Variants in ATG2A observed in about 807,000 individuals in gnomAD.
The protein encoded by ATG2A is autophagy-related protein 2 homolog A.
Under a neutral mutation model 214.2 loss-of-function variants are expected in ATG2A, and 103 were observed. That is an observed-to-expected ratio of 0.48 (90% CI 0.41 to 0.57). ATG2A has a LOEUF of 0.57. Among genes scored for constraint, ATG2A ranks in the 20% least tolerant of loss-of-function variants. ATG2A has a pLI of 0.00. For synonymous variants in ATG2A, 1,160 were observed against 1,142.1 expected, an observed-to-expected ratio of 1.02 and a Z score of -0.32; for missense variants, 2,312 against 2,613.2, an observed-to-expected ratio of 0.88 and a Z score of 2.51.
intron 1 of ATG2A, among the ~76,000 whole-genome samples, chr11:64,915,277 C>T (rs1291344797): frequency 2.0e-5 from 3 of 152,120 alleles, no homozygotes; most frequent in Non-Finnish European, 4.4e-5. Context: ...ACCCCACCTG[C>T]CTCCCCCGTC....
Position 64,896,761 on chromosome 11 carries a change from C to G in ATG2A, c.5259G>C (p.Ser1753=). ...CTAGACACTCACAGAGCTGGACAAC[C>G]GAGTGCATGGGGCCCACGCCTCCCA... is the stretch of plus-strand genomic sequence containing the variant. ...GLLGGVGPMH[S]VVQLFQGFRD... is the part of the protein sequence containing the mutation. The change falls in exon 38 of 41, where the codon TCG becomes TCC. Residue 1753 remains serine (S), a synonymous_variant. Transcript: ENST00000377264. 6.2e-7 allele frequency: 1 copy of G among 1,614,220 alleles called. No homozygotes were observed. The highest frequency in any genetic ancestry group is 1.1e-5 in the South Asian group (1 of 91,088).
At position 64,903,507 on chromosome 11, in the gene ATG2A, GC is replaced by G; in HGVS notation, c.3535+82del. ...GGAGCTAAGGACCCGGCCAGCAGCT[GC>G]GGGGAGACACCTGGCTGCTCTGGGT... On this transcript the variant is annotated intron_variant, in intron 25 of 40. Coordinates refer to ENST00000377264, the MANE Select transcript of ATG2A (RefSeq NM_015104.3). This position sits in a 1 kb window ranked among gnomAD's most constrained non-coding sequence, Gnocchi z 4.2. The G allele has an allele frequency of 1.4e-6, 2 of 1,475,848 alleles. No individual in the cohort carries two copies. The highest frequency in any genetic ancestry group is 1.8e-6 in the Non-Finnish European group (2 of 1,093,832). 91.4% of individuals were successfully genotyped at this position (1,475,848 alleles called of 1,614,324 possible).
At position 64,896,452 on chromosome 11, in the gene ATG2A, AC is replaced by A; in HGVS notation, c.5427+9del. On this transcript the variant is annotated intron_variant, in intron 39 of 40. Coordinates refer to ENST00000377264, the MANE Select transcript of ATG2A (RefSeq NM_015104.3). Reference sequence around the variant, plus strand: ...GTCCTGCACAGCCCAGATACAGGGCACCCACTCACCTGGATAGCCTGTACCA... The same window carrying A: ...GTCCTGCACAGCCCAGATACAGGGCACCACTCACCTGGATAGCCTGTACCA... The A allele has an allele frequency of 6.2e-7, 1 of 1,605,810 alleles. No individual in the cohort carries two copies. Among genetic ancestry groups the A allele is most frequent in the East Asian group, 2.2e-5 (1 of 44,498 alleles).
Position 64,911,868 on chromosome 11 carries a change from C to T in ATG2A, c.1202G>A (p.Arg401Gln), listed in dbSNP as rs1427618972. 31 of 1,613,140 alleles carry T rather than the reference C, an allele frequency of 1.9e-5. 1 individual carries two copies. Among genetic ancestry groups the T allele is most frequent in the African/African-American group, 6.7e-5 (5 of 74,912 alleles). Reference protein sequence around the residue: ...SSVRSDMASRRLSAQAHPAGK... With the variant: ...SSVRSDMASRQLSAQAHPAGK... Reference sequence around the variant, plus strand: ...AGCTGGGTGGGCCTGGGCAGAGAGCCGGCGGGAGGCCATGTCGCTGCGCAC... The same window carrying T: ...AGCTGGGTGGGCCTGGGCAGAGAGCTGGCGGGAGGCCATGTCGCTGCGCAC... The change falls in exon 9 of 41, where the codon CGG becomes CAG. Residue 401 changes from arginine (R) to glutamine (Q), a missense_variant. Transcript: ENST00000377264.
rs1944741280 is a variant in ATG2A, at chr11:64,910,788, A to G, written c.1614+19T>C. The G allele has an allele frequency of 6.2e-7, 1 of 1,610,716 alleles. No individual in the cohort carries two copies. Among genetic ancestry groups the G allele is most frequent in the Non-Finnish European group, 8.5e-7 (1 of 1,178,838 alleles). On this transcript the variant is annotated intron_variant, in intron 11 of 40. Coordinates refer to ENST00000377264, the MANE Select transcript of ATG2A (RefSeq NM_015104.3). Reference sequence around the variant, plus strand: ...AACCTCCAGACCCCGCCTCGTACACATTCTGCCTCTGCCCTCACCTCCGTG... The same window carrying G: ...AACCTCCAGACCCCGCCTCGTACACGTTCTGCCTCTGCCCTCACCTCCGTG...
chr11:64,913,155 C>G lies in ATG2A; in HGVS notation c.727-19G>C, dbSNP rs1944841701. 1 of 1,591,830 alleles carries G rather than the reference C, an allele frequency of 6.3e-7. No individual in the cohort carries two copies. The highest frequency in any genetic ancestry group is 8.6e-7 in the Non-Finnish European group (1 of 1,167,292). The stretch of plus-strand genomic sequence containing the variant: ...GCTCTTCCTGGGAGACGGGAGGATA[C>G]AAGAGGGAAAGGTTGAGAAAATGGA... On this transcript the variant is annotated intron_variant, in intron 5 of 40. Transcript: ENST00000377264. The surrounding 1 kb of genome is among the most constrained non-coding windows in gnomAD (Gnocchi z 4.3).
At position 64,897,429 on chromosome 11, in the gene ATG2A, C is replaced by G; in HGVS notation, c.5133G>C (p.Arg1711=). 1 of 1,567,536 alleles carries G rather than the reference C, an allele frequency of 6.4e-7. No homozygotes were observed. The highest frequency in any genetic ancestry group is 2.4e-5 in the East Asian group (1 of 42,340). The stretch of plus-strand genomic sequence containing the variant: ...GGACTCACCCGTGCCTGCAACAGAG[C>G]CGCTTTAGCTTCAGCTCGGAGCAGT... ...QLNCSELKLK[R]LCCRHGLLGV... Residue 1711 remains arginine (R), a synonymous_variant, in exon 37 of 41, where the codon CGG becomes CGC. Coordinates refer to ENST00000377264, the MANE Select transcript of ATG2A (RefSeq NM_015104.3).
Position 64,895,295 on chromosome 11 carries a change from G to A in ATG2A, c.5575C>T (p.Arg1859Ter), listed in dbSNP as rs371652521. ...EGVAKAYDTV[R>*]EGILDTAQTI... Reference sequence around the variant, plus strand: ...CAGGGCGGGGGCCTGGTCACCTCTCGCACTGTGTCGTAGGCCTTGGCCACA... The same window carrying A: ...CAGGGCGGGGGCCTGGTCACCTCTCACACTGTGTCGTAGGCCTTGGCCACA... The change falls in exon 40 of 41, where the codon CGA (arginine) becomes TGA (stop). Residue 1859 changes from arginine to a stop codon, truncating the protein, a stop_gained. Transcript: ENST00000377264. LOFTEE classifies it high-confidence loss of function. The surrounding 1 kb of genome is among the most constrained non-coding windows in gnomAD (Gnocchi z 5.0). 6.2e-7 allele frequency: 1 copy of A among 1,613,366 alleles called. No individual in the cohort carries two copies. The highest frequency in any genetic ancestry group is 1.1e-5 in the South Asian group (1 of 91,076).
At position 64,903,570 on chromosome 11, in the gene ATG2A, C is replaced by T; in HGVS notation, c.3535+20G>A. 6.5e-7 allele frequency: 1 copy of T among 1,539,232 alleles called. No homozygotes were observed. Among genetic ancestry groups the T allele is most frequent in the Non-Finnish European group, 8.8e-7 (1 of 1,139,502 alleles). On this transcript the variant is annotated intron_variant, in intron 25 of 40. Transcript: ENST00000377264. The surrounding 1 kb of genome is among the most constrained non-coding windows in gnomAD (Gnocchi z 4.2). ...GGTGGTCCCTCAGAGGGGAGGGAGC[C>T]CAGTCCCGGCCCTGCCCACCTCGCC...
intron 9 of ATG2A, 92 bp downstream of exon 9, chr11:64,911,750 G>A: frequency 6.5e-7 from 1 of 1,531,138 alleles, no homozygotes; most frequent in South Asian, 1.2e-5. Flanking sequence ...GGCATCGCTG[G>A]GGATTTCCTG....
chr11:64,907,579 G>T lies in ATG2A; in HGVS notation c.2593C>A (p.Pro865Thr). Reference sequence around the variant, plus strand: ...AAGCTGTCGTGCCAGAAGCCTGAGGGGCCGGGGAAGCCCGAGGGCTGGGCG... The same window carrying T: ...AAGCTGTCGTGCCAGAAGCCTGAGGTGCCGGGGAAGCCCGAGGGCTGGGCG... ...PAAQPSGFPG[P>T]SGFWHDSFKM... Residue 865 changes from proline to threonine, a missense_variant, in exon 18 of 41, where the codon CCC becomes ACC. Pro to Thr is a conservative substitution (Grantham distance 38). Transcript: ENST00000377264. 6.2e-7 allele frequency: 1 copy of T among 1,610,134 alleles called. No individual in the cohort carries two copies. The highest frequency in any genetic ancestry group is 8.5e-7 in the Non-Finnish European group (1 of 1,178,698).
chr11:64,914,825 C>T (rs541905181), intron 1 of ATG2A, among the ~76,000 whole-genome samples: 198 of 149,954 alleles, frequency 1.3e-3, no homozygotes, highest in Non-Finnish European at 2.4e-3. Flanking sequence ...CCCAGCCAAG[C>T]TAGGCTCCAG....
Position 64,903,654 on chromosome 11 carries a change from G to C in ATG2A, c.3471C>G (p.Ile1157Met). The change falls in exon 25 of 41, where the codon ATC becomes ATG. Residue 1157 changes from isoleucine (I) to methionine (M), a missense_variant. Ile to Met is a conservative substitution (Grantham distance 10). Transcript: ENST00000377264. The surrounding 1 kb of genome is among the most constrained non-coding windows in gnomAD (Gnocchi z 4.2). ...MDTSTFLLRF[I>M]LDDSALYLSD... ...ACAGGTACAAGGCGGAGTCATCGAGGATGAACCTGGGGGGGAACAGGGCTG... is the reference window on the plus strand; with the variant it reads ...ACAGGTACAAGGCGGAGTCATCGAGCATGAACCTGGGGGGGAACAGGGCTG... 1 of 1,549,724 alleles carries C rather than the reference G, an allele frequency of 6.5e-7. No individual in the cohort carries two copies. Among genetic ancestry groups the C allele is most frequent in the Non-Finnish European group, 8.7e-7 (1 of 1,146,304 alleles).
At chr11:64,910,773 C>A (rs367730743) in intron 11 of ATG2A, 34 bp downstream of exon 11, 21 of 1,610,416 alleles carry the variant, frequency 1.3e-5, no homozygotes, top group Non-Finnish European at 1.7e-5. Flanking sequence ...AACCTCCAGA[C>A]CCCGCCTCGT....
chr11:64,901,894 A>C, intron 29 of ATG2A, 68 bp downstream of exon 29: 1 of 1,563,208 alleles, frequency 6.4e-7, no homozygotes, highest in Non-Finnish European at 8.7e-7. Flanking sequence ...ACCACCCCTG[A>C]GTGTTCCGTC....
Position 64,896,516 on chromosome 11 carries a change from T to G in ATG2A, c.5373A>C (p.Ser1791=). ...GLQRGAASFG[S]STASAALELS... ...GTTCCAGGGCGGCAGAGGCTGTGGA[T>G]GAGCCAAAGGAGGCAGCCCCTCGCT... is the stretch of plus-strand genomic sequence containing the variant. The change falls in exon 39 of 41, where the codon TCA becomes TCC. Residue 1791 remains serine, a synonymous_variant. Transcript: ENST00000377264. 8.7e-6 allele frequency: 14 copies of G among 1,613,976 alleles called. No homozygotes were observed. Among genetic ancestry groups the G allele is most frequent in the Non-Finnish European group, 1.2e-5 (14 of 1,179,924 alleles).
In ATG2A at chr11:64,909,367, C is replaced by A. The variant is rs777053187; in HGVS notation, c.2108G>T (p.Gly703Val). The A allele has an allele frequency of 7.4e-6, 12 of 1,611,976 alleles. No homozygotes were observed. The highest frequency in any genetic ancestry group is 8.5e-6 in the Non-Finnish European group (10 of 1,179,020). ...HLELTCSDLH[G>V]IYEDGGKPPV... is the part of the protein sequence containing the mutation. ...TGGCTTCCCTCCATCTTCATAGATA[C>A]CTGGAGGGGGATGGGGAATTAGGGG... Residue 703 changes from glycine to valine, a missense_variant and splice_region_variant, in exon 15 of 41, where the codon GGT becomes GTT. Transcript: ENST00000377264.
rs147536401 is a variant in ATG2A, at chr11:64,895,125, C to T, written c.5665G>A (p.Val1889Met). Residue 1889 changes from valine to methionine, a missense_variant, in exon 41 of 41, where the codon GTG becomes ATG. Coordinates refer to ENST00000377264, the MANE Select transcript of ATG2A (RefSeq NM_015104.3). This position sits in a 1 kb window ranked among gnomAD's most constrained non-coding sequence, Gnocchi z 5.0. Reference protein sequence around the residue: ...QKGLTGAVGGVIRQLPPTVVK... With the variant: ...QKGLTGAVGGMIRQLPPTVVK... ...ACAGTCGGGGGCAGCTGGCGGATCA[C>T]GCCCCCCACGGCGCCCGTCAGCCCC... The T allele has an allele frequency of 2.4e-5, 39 of 1,612,892 alleles. No individual in the cohort carries two copies. The highest frequency in any genetic ancestry group is 3.1e-5 in the Non-Finnish European group (37 of 1,179,802).
In ATG2A at chr11:64,898,296, C is replaced by T. The variant is rs1407057390; in HGVS notation, c.4738G>A (p.Val1580Ile). 8.7e-6 allele frequency: 14 copies of T among 1,613,308 alleles called. No individual in the cohort carries two copies. The highest frequency in any genetic ancestry group is 2.2e-5 in the South Asian group (2 of 91,002). Reference protein sequence around the residue: ...NLGGPECCLRVSLMPLRLNVD... With the variant: ...NLGGPECCLRISLMPLRLNVD... ...TTGAGCCGCAGGGGCATCAGCGAGA[C>T]GCGGAGACAGCACTCAGGCCCACCC... Residue 1580 changes from valine to isoleucine, a missense_variant, in exon 33 of 41, where the codon GTC becomes ATC. Physicochemically the swap from Val to Ile is conservative, Grantham distance 29. Transcript: ENST00000377264. The surrounding 1 kb of genome is among the most constrained non-coding windows in gnomAD (Gnocchi z 4.5).
Sources: gnomAD v4.1 joint callset for allele counts (sites outside exome capture counted in the v4.1 genomes callset) on GRCh38, gnomAD v4.1.1 for gene constraint, Gnocchi (gnomAD v3.1) non-coding constraint, MANE v1.5 for transcripts, NCBI Gene and HGNC (gene_info 2026-07-23, HGNC 2026-07-21) for gene names.